The following MAP7 variants were observed in gnomAD, a reference collection of about 807,000 sequenced individuals.
MAP7 encodes the protein ensconsin.
MAP7 carries 52 observed loss-of-function variants against 94.8 expected under a neutral mutation model. That is an observed-to-expected ratio of 0.55 (90% confidence interval 0.44 to 0.69). MAP7 has a LOEUF of 0.69. Ranked by LOEUF, MAP7 falls within the 30% of genes least tolerant of loss-of-function variation. The probability of loss-of-function intolerance (pLI) is 0.00; values close to 1 mark genes in which losing one functional copy is unlikely to be tolerated. For synonymous variants in MAP7, 350 were observed against 357.0 expected (o/e 0.98, Z 0.22); for missense variants, 940 against 964.6 (o/e 0.97, Z 0.34).
intron 1 of MAP7, among the ~76,000 whole-genome samples, chr6:136,523,978 C>T (rs186677915): frequency 1.3e-5 from 2 of 152,234 alleles, no homozygotes; most frequent in African/African-American, 2.4e-5. Flanking sequence ...CAGTGACTCA[C>T]GTCTGTAATC....
At position 136,388,485 on chromosome 6, in the gene MAP7, C is replaced by A; in HGVS notation, c.434G>T (p.Arg145Leu). The A allele has an allele frequency of 6.2e-7, 1 of 1,614,068 alleles. No individual in the cohort carries two copies. Among genetic ancestry groups the A allele is most frequent in the Non-Finnish European group, 8.5e-7 (1 of 1,179,974 alleles). The change falls in exon 5 of 18, where the codon CGC becomes CTC. Residue 145 changes from arginine to leucine, a missense_variant. Coordinates refer to ENST00000354570, the MANE Select transcript of MAP7 (RefSeq NM_003980.6). The stretch of plus-strand genomic sequence containing the variant: ...TGGCTTCTGGCTCCTTTCCATTGTG[C>A]GCCGTACAACAGCTTCGTGGCGTTC... The part of the protein sequence containing the change: ...DKERHEAVVR[R>L]TMERSQKPKQ...
Position 136,343,252 on chromosome 6 carries a change from C to T in MAP7, c.*976G>A, listed in dbSNP as rs1786896297. On this transcript the variant is annotated 3_prime_UTR_variant, in exon 18 of 18. Coordinates refer to ENST00000354570, the MANE Select transcript of MAP7 (RefSeq NM_003980.6). ...AGGTCCGTGTCCTGTGTGCCAAACA[C>T]AGTCAACATTCCATCATTTTCTCAT... 1.3e-5 allele frequency: 2 copies of T among 152,668 alleles called. No individual in the cohort carries two copies. The highest frequency in any genetic ancestry group is 2.4e-5 in the African/African-American group (1 of 41,460). 9.5% of individuals were successfully genotyped at this position (152,668 alleles called of 1,614,324 possible).
chr6:136,410,186 T>A (rs1013598352), intron 3 of MAP7, among the ~76,000 whole-genome samples: 3 of 152,182 alleles, frequency 2.0e-5, no homozygotes, highest in Admixed American at 1.3e-4. Context: ...TCTCCCGACC[T>A]ATGGAACTCC....
chr6:136,493,225 C>T (rs1029608423), intron 1 of MAP7, among the ~76,000 whole-genome samples: 18 of 148,826 alleles, frequency 1.2e-4, no homozygotes, highest in African/African-American at 3.5e-4. Context: ...TGGGTTCAAG[C>T]GATTCTCCTG....
chr6:136,485,753 G>A (rs1218549118), intron 1 of MAP7, among the ~76,000 whole-genome samples: 1 of 151,524 alleles, frequency 6.6e-6, no homozygotes, highest in African/African-American at 2.4e-5. Flanking sequence ...TAGTAGAGAC[G>A]GGGTTTCACC....
rs757004867 is a variant in MAP7 at position 136,389,564 on chromosome 6, G to T, written c.245-47C>A. On this transcript the variant is annotated intron_variant, in intron 3 of 17. Transcript: ENST00000354570. ...AAAAAAAAGAGGGAAATCAAATATA[G>T]GCAGGTTGCAAACTTGAATAGTTAG... 2.5e-6 allele frequency: 4 copies of T among 1,575,586 alleles called. No homozygotes were observed. The East Asian group carries it at 9.0e-5, about 35-fold the overall frequency.
At chr6:136,434,179 C>T (rs1025675353) in intron 1 of MAP7, among the ~76,000 whole-genome samples, 7 of 151,766 alleles carry the variant, frequency 4.6e-5, no homozygotes, top group South Asian at 2.1e-4. Context: ...TGGTGGTGGG[C>T]GCCTGTAAAC....
At chr6:136,453,172 G>A (rs991590278) in intron 1 of MAP7, among the ~76,000 whole-genome samples, 1 of 152,068 alleles carries the variant, frequency 6.6e-6, no homozygotes, top group South Asian at 2.1e-4. Context: ...CTGAGAACTC[G>A]GGAAAAGTTA....
intron 1 of MAP7, among the ~76,000 whole-genome samples, chr6:136,482,234 C>T (rs1288609581): frequency 6.6e-6 from 1 of 152,172 alleles, no homozygotes; most frequent in African/African-American, 2.4e-5. Context: ...GAACTTGAAA[C>T]AGCAGTACCA....
intron 1 of MAP7, among the ~76,000 whole-genome samples, chr6:136,437,939 A>C (rs1796813585): frequency 1.3e-5 from 2 of 152,204 alleles, no homozygotes; most frequent in Admixed American, 1.3e-4. Flanking sequence ...TCATATTCTA[A>C]CTAGAAGTGT....
chr6:136,546,985 G>A (rs957584719), intron 1 of MAP7, among the ~76,000 whole-genome samples: 2 of 152,188 alleles, frequency 1.3e-5, no homozygotes, highest in African/African-American at 4.8e-5. Flanking sequence ...AAGATGTAAA[G>A]GTAACAGCCA....
At chr6:136,366,530 T>A in intron 8 of MAP7, 91 bp from the exon 9 acceptor site, 1 of 912,150 alleles carries the variant, frequency 1.1e-6, no homozygotes, top group Non-Finnish European at 1.8e-6. Flanking sequence ...AACCATTGAA[T>A]GACTTTTAAG....
chr6:136,382,972 T>C (rs1041671350), intron 6 of MAP7, among the ~76,000 whole-genome samples: 1 of 152,250 alleles, frequency 6.6e-6, no homozygotes, highest in African/African-American at 2.4e-5. Context: ...TTCTATGATC[T>C]ATGTAAAACA....
chr6:136,356,273 C>T (rs945325987), intron 16 of MAP7, among the ~76,000 whole-genome samples: 2 of 152,182 alleles, frequency 1.3e-5, no homozygotes, highest in Non-Finnish European at 2.9e-5. Context: ...CTCATGCAAT[C>T]TTCCTACCTC....
chr6:136,426,156 T>C (rs1442903069), intron 1 of MAP7, among the ~76,000 whole-genome samples: 2 of 152,182 alleles, frequency 1.3e-5, no homozygotes, highest in Admixed American at 6.5e-5. Context: ...AAAGTTCCCG[T>C]CTTCAACCTC....
rs181273801 is a variant in MAP7, at chr6:136,347,963, T to G, written c.2016-1884A>C. Among the ~76,000 whole-genome samples the G allele has an allele frequency of 5.5e-4, 83 of 151,966 alleles. No individual in the cohort carries two copies. In the Middle Eastern group the frequency reaches 0.017, roughly 31 times the overall value. ...TACTAAGAAGGGAAGGGAATGCCAC[T>G]AGGCATTATAAGTCTCCACAAGAGT... On this transcript the variant is annotated intron_variant, in intron 16 of 17. Transcript: ENST00000354570.
intron 1 of MAP7, among the ~76,000 whole-genome samples, chr6:136,549,056 C>G (rs915411786): frequency 7.2e-5 from 11 of 152,236 alleles, no homozygotes; most frequent in Admixed American, 6.5e-4. Flanking sequence ...CTTTGTCAGT[C>G]TTAACCTCAG....
At chr6:136,462,607 T>C (rs538602967) in intron 1 of MAP7, among the ~76,000 whole-genome samples, 1 of 152,262 alleles carries the variant, frequency 6.6e-6, no homozygotes, top group South Asian at 2.1e-4. Flanking sequence ...TAAACTCCAT[T>C]TAACCGAATA....
intron 2 of MAP7, chr6:136,420,276 G>A: frequency 3.4e-6 from 3 of 890,658 alleles, no homozygotes; most frequent in Non-Finnish European, 1.9e-6. Context: ...AGAAGAGCCG[G>A]CCATGCTTCC....
Sources: gnomAD v4.1 joint callset for allele counts (sites outside exome capture counted in the v4.1 genomes callset) on GRCh38, gnomAD v4.1.1 for gene constraint, MANE v1.5 for transcripts, NCBI Gene and HGNC (gene_info 2026-07-23, HGNC 2026-07-21) for gene names.